The following SHANK2 variants were observed in gnomAD, a reference collection of about 807,000 sequenced individuals.
SHANK2 encodes SH3 and multiple ankyrin repeat domains 2, also known as SH3 and multiple ankyrin repeat domains protein 2.
In SHANK2, 43 loss-of-function variants were observed where a neutral mutation model predicts 133.7. That is an observed-to-expected ratio of 0.32 (90% CI 0.25 to 0.41). SHANK2 has a LOEUF of 0.41. SHANK2 is among the 10% of genes least tolerant of loss of function. SHANK2 has a pLI of 1.00. For synonymous variants in SHANK2, 1,017 were observed against 952.8 expected (o/e 1.07, Z -1.24); for missense variants, 1,994 against 2,235.8 (o/e 0.89, Z 2.18).
chr11:70,625,038 G>A (rs1335905331), intron 17 of SHANK2, among the ~76,000 whole-genome samples: 1 of 152,176 alleles, frequency 6.6e-6, no homozygotes. Context: ...CTCAGGTTTG[G>A]TGATTTGTGG....
At chr11:70,862,454 C>A (rs782278037) in intron 11 of SHANK2, among the ~76,000 whole-genome samples, 12 of 152,194 alleles carry the variant, frequency 7.9e-5, no homozygotes, top group Admixed American at 7.2e-4. Flanking sequence ...AAGTGCAATA[C>A]GTCAGTTGGT....
At chr11:70,532,174 C>G (rs1554973330) in intron 17 of SHANK2, among the ~76,000 whole-genome samples, 1 of 152,140 alleles carries the variant, frequency 6.6e-6, no homozygotes, top group East Asian at 1.9e-4. Flanking sequence ...AGCTGAAATT[C>G]CTGTGGCAGC....
intron 17 of SHANK2, among the ~76,000 whole-genome samples, chr11:70,558,203 G>A (rs958735474): frequency 2.0e-5 from 3 of 152,184 alleles, no homozygotes; most frequent in East Asian, 1.9e-4. Context: ...CTGGCCCCCC[G>A]ACTGGAGGCT....
At chr11:70,614,266 C>T (rs1554995285) in intron 17 of SHANK2, among the ~76,000 whole-genome samples, 1 of 151,724 alleles carries the variant, frequency 6.6e-6, no homozygotes, top group African/African-American at 2.4e-5. Flanking sequence ...TTCCAGCATC[C>T]AATGACACAG....
chr11:71,107,182 C>A, intron 6 of SHANK2, among the ~76,000 whole-genome samples: 1 of 152,076 alleles, frequency 6.6e-6, no homozygotes, highest in Admixed American at 6.6e-5. Flanking sequence ...CACAATAAAC[C>A]CCCAACCTCT....
chr11:71,073,142 C>CTTTTTTTTTTTTT (rs1951165821), intron 9 of SHANK2, among the ~76,000 whole-genome samples: 4 of 41,080 alleles, frequency 9.7e-5, no homozygotes, highest in African/African-American at 1.8e-4. Flanking sequence ...TTTTCTTTTT[C>CTTTTTTTTTTTTT]TTTTCTTTTT....
At chr11:70,617,364 A>G (rs1269999930) in intron 17 of SHANK2, among the ~76,000 whole-genome samples, 1 of 152,136 alleles carries the variant, frequency 6.6e-6, no homozygotes, top group Non-Finnish European at 1.5e-5. Context: ...ACCCTTTAAA[A>G]ATGTAAAAAT....
At chr11:70,738,646 C>G (rs1555034109) in intron 14 of SHANK2, among the ~76,000 whole-genome samples, 2 of 152,220 alleles carry the variant, frequency 1.3e-5, no homozygotes, top group African/African-American at 4.8e-5. Context: ...CCGCTGGACC[C>G]CTCGTCCTGT....
At chr11:70,928,834 A>C (rs2135790755) in intron 10 of SHANK2, among the ~76,000 whole-genome samples, 1 of 152,264 alleles carries the variant, frequency 6.6e-6, no homozygotes, top group South Asian at 2.1e-4. Context: ...CCACACCAAA[A>C]GCCTACACCA....
chr11:70,853,403 C>T (rs1949119794), intron 11 of SHANK2, among the ~76,000 whole-genome samples: 1 of 152,218 alleles, frequency 6.6e-6, no homozygotes, highest in Non-Finnish European at 1.5e-5. Context: ...TGCAGTGAGG[C>T]TGAGTGCGTC....
At chr11:71,241,300 CTG>C (rs753083826) in intron 1 of SHANK2, among the ~76,000 whole-genome samples, 17 of 152,220 alleles carry the variant, frequency 1.1e-4, no homozygotes, top group Non-Finnish European at 1.6e-4. Flanking sequence ...AATGTATAAA[CTG>C]AGCTACATGA....
At chr11:70,632,058 T>C (rs1477315248) in intron 17 of SHANK2, 1 of 152,262 alleles carries the variant, frequency 6.6e-6, no homozygotes. Flanking sequence ...GGGAAACGCT[T>C]CATTTAGACG....
intron 14 of SHANK2, among the ~76,000 whole-genome samples, chr11:70,744,087 A>G (rs946998708): frequency 1.3e-5 from 2 of 152,178 alleles, no homozygotes; most frequent in Non-Finnish European, 2.9e-5. Context: ...CTGAGCTGCC[A>G]CCAATGTGTG....
At chr11:71,083,979 T>G (rs933526172) in intron 8 of SHANK2, among the ~76,000 whole-genome samples, 17,060 of 147,716 alleles carry the variant, frequency 0.12, 1,139 homozygotes, top group South Asian at 0.18. Context: ...AACTTTTTTT[T>G]GGGGGGGGGA....
intron 14 of SHANK2, among the ~76,000 whole-genome samples, chr11:70,784,185 T>C (rs1478424654): frequency 2.0e-5 from 3 of 151,644 alleles, no homozygotes; most frequent in African/African-American, 7.3e-5. Flanking sequence ...CCCTGCTTTT[T>C]TTTTTTTTTG....
chr11:71,173,313 G>A lies in SHANK2; in HGVS notation c.-12-25975C>T, dbSNP rs541692017. 1.1e-4 allele frequency among the ~76,000 whole-genome samples: 16 copies of A among 152,286 alleles called. No individual in the cohort carries two copies. The South Asian group carries it at 2.3e-3, about 22-fold the overall frequency. On this transcript the variant is annotated intron_variant, in intron 2 of 25. Transcript: ENST00000601538. ...CTGGCTGGGATCACTGCTGGAAGGC[G>A]TCTGCTGTGACCCTGCCTGCTTTTG...
rs138635694 is a variant in SHANK2 at position 70,825,517 on chromosome 11, C to G, written c.1175-4835G>C. On this transcript the variant is annotated intron_variant, in intron 11 of 25. Coordinates refer to ENST00000601538, the MANE Select transcript of SHANK2 (RefSeq NM_012309.5). ...AAATACATTTTTACTCTGTAGACCA[C>G]GCAAGTTACTCAAATGAAATCTCAC... 2.6e-3 allele frequency among the ~76,000 whole-genome samples: 402 copies of G among 152,304 alleles called. 9 individuals carry two copies. In the South Asian group the frequency reaches 0.046, roughly 17 times the overall value.
chr11:71,087,773 C>T (rs917192855), intron 8 of SHANK2, among the ~76,000 whole-genome samples: 2 of 152,160 alleles, frequency 1.3e-5, no homozygotes, highest in Non-Finnish European at 2.9e-5. Flanking sequence ...GAATTACAGG[C>T]GTGGTACCTC....
At chr11:70,642,460 C>A (rs1389763381) in intron 17 of SHANK2, among the ~76,000 whole-genome samples, 2 of 152,214 alleles carry the variant, frequency 1.3e-5, no homozygotes, top group East Asian at 1.9e-4. Flanking sequence ...TGCTAGGTCA[C>A]CCCATGTGAA....
Sources: gnomAD v4.1 joint callset for allele counts (sites outside exome capture counted in the v4.1 genomes callset) on GRCh38, gnomAD v4.1.1 for gene constraint, MANE v1.5 for transcripts, NCBI Gene and HGNC (gene_info 2026-07-23, HGNC 2026-07-21) for gene names.